Variants in SAMHD1 observed in about 807,000 individuals in gnomAD.
The protein encoded by SAMHD1 is SAM and HD domain containing deoxynucleoside triphosphate triphosphohydrolase 1, also known as deoxynucleoside triphosphate triphosphohydrolase SAMHD1.
SAMHD1 carries 54 observed loss-of-function variants against 79.6 expected under a neutral mutation model. That is an observed-to-expected ratio of 0.68 (90% confidence interval 0.55 to 0.85). The LOEUF is 0.85. Among genes scored for constraint, SAMHD1 ranks in the 40% least tolerant of loss-of-function variants. The pLI is 0.00. For synonymous variants in SAMHD1, 260 were observed against 264.1 expected, an observed-to-expected ratio of 0.98 and a Z score of 0.15; for missense variants, 663 against 782.7, an observed-to-expected ratio of 0.85 and a Z score of 1.82.
chr20:36,918,815 AAAAAAAAAAG>A (rs1259029632), intron 7 of SAMHD1, among the ~76,000 whole-genome samples: 18 of 150,028 alleles, frequency 1.2e-4, no homozygotes, highest in African/African-American at 4.4e-4. Flanking sequence ...AAAAAAAAAA[AAAAAAAAAAG>A]AAAGAAAGAA....
At position 36,919,778 on chromosome 20, in the gene SAMHD1, CTAAA is replaced by C. The variant is rs3840951; in HGVS notation, c.697-263_697-260del. On this transcript the variant is annotated intron_variant, in intron 6 of 15. Transcript: ENST00000646673. ...TTAATGATATAATCATTTACAGTTC[CTAAA>C]TGAATATTATAAGATCATGTAGACA... Among the ~76,000 whole-genome samples, 1,558 of 152,164 alleles carry C rather than the reference CTAAA, an allele frequency of 0.01. 65 individuals carry two copies. The East Asian group carries it at 0.15, about 15-fold the overall frequency.
At chr20:36,945,603 A>G (rs2063680560) in intron 2 of SAMHD1, among the ~76,000 whole-genome samples, 2 of 152,238 alleles carry the variant, frequency 1.3e-5, no homozygotes, top group Admixed American at 1.3e-4. Context: ...GAATAAGGCC[A>G]CACACGGTGG....
intron 6 of SAMHD1, among the ~76,000 whole-genome samples, chr20:36,923,834 C>G (rs2063520792): frequency 6.6e-6 from 1 of 152,076 alleles, no homozygotes; most frequent in African/African-American, 2.4e-5. Context: ...GTATGTCAAC[C>G]TAAAAGGAAG....
chr20:36,916,629 G>A (rs2063477435), intron 9 of SAMHD1, 93 bp downstream of exon 9: 3 of 895,780 alleles, frequency 3.3e-6, no homozygotes, highest in East Asian at 4.8e-5. Flanking sequence ...AGAGACTGAC[G>A]ATTTACCAAT....
In SAMHD1 at chr20:36,920,990, G is replaced by A. The variant is rs540221587; in HGVS notation, c.697-1471C>T. ...GGTCCCAGCTACTTGGGAGACCAAG[G>A]TGGGAGGATTGCTTGAGCCCAGGTG... On this transcript the variant is annotated intron_variant, in intron 6 of 15. Transcript: ENST00000646673. Among the ~76,000 whole-genome samples, 7 of 151,624 alleles carry A rather than the reference G, an allele frequency of 4.6e-5. No individual in the cohort carries two copies. In the South Asian group the frequency reaches 1.2e-3, roughly 27 times the overall value.
rs1482302600 is a variant in SAMHD1 at position 36,893,198 on chromosome 20, G to T, written c.1747-132C>A. The T allele has an allele frequency of 4.4e-6, 5 of 1,125,918 alleles. No individual in the cohort carries two copies. The Admixed American group carries it at 9.7e-5, about 22-fold the overall frequency. 69.7% of individuals were successfully genotyped at this position (1,125,918 alleles called of 1,614,324 possible). Reference sequence around the variant, plus strand: ...TGCTTCTAGCTGTCCTCAATCCAGGGAAACTCCAAATTACATATGCCCTGT... The same window carrying T: ...TGCTTCTAGCTGTCCTCAATCCAGGTAAACTCCAAATTACATATGCCCTGT... On this transcript the variant is annotated intron_variant, in intron 15 of 15. Coordinates refer to ENST00000646673, the MANE Select transcript of SAMHD1 (RefSeq NM_015474.4).
rs2146119374 is a variant in SAMHD1 at position 36,919,359 on chromosome 20, C to T, written c.852+5G>A. On this transcript the variant is annotated splice_donor_5th_base_variant and intron_variant, in intron 7 of 15. Coordinates refer to ENST00000646673, the MANE Select transcript of SAMHD1 (RefSeq NM_015474.4). ...CAGTTAAAATTAAGCTGTACATAAACTTACCAATGAATCTTCGACAGGTGA... is the reference window on the plus strand; with the variant it reads ...CAGTTAAAATTAAGCTGTACATAAATTTACCAATGAATCTTCGACAGGTGA... The T allele has an allele frequency of 1.9e-6, 3 of 1,613,188 alleles. No homozygotes were observed. The highest frequency in any genetic ancestry group is 2.5e-6 in the Non-Finnish European group (3 of 1,179,426).
At chr20:36,898,798 G>A (rs1277198440) in intron 13 of SAMHD1, among the ~76,000 whole-genome samples, 1 of 151,208 alleles carries the variant, frequency 6.6e-6, no homozygotes, top group Non-Finnish European at 1.5e-5. Context: ...TGTAACCCCA[G>A]TTACTCGGGA....
intron 9 of SAMHD1, among the ~76,000 whole-genome samples, 197 bp from the exon 10 acceptor site, chr20:36,912,749 T>A (rs991973674): frequency 9.5e-5 from 10 of 105,590 alleles, no homozygotes; most frequent in African/African-American, 3.5e-4. Flanking sequence ...CTTGCAACTT[T>A]CATTTTTTTT....
intron 10 of SAMHD1, 64 bp from the exon 11 acceptor site, chr20:36,911,397 C>T: frequency 3.0e-6 from 3 of 995,624 alleles, no homozygotes; most frequent in Non-Finnish European, 4.8e-6. Context: ...TTATGTCTTA[C>T]TTAAGGAAAT....
chr20:36,916,815 A>G lies in SAMHD1; in HGVS notation c.969T>C (p.Leu323=), dbSNP rs1371859365. ...TGTAATCAAAATTATTTTGGATTCC[A>G]AGATGATGGCAGTCCCTAGAAGGAT... ...WDYFARDCHH[L]GIQNNFDYKR... The change falls in exon 9 of 16, where the codon CTT becomes CTC. Residue 323 remains leucine (L), a synonymous_variant. Coordinates refer to ENST00000646673, the MANE Select transcript of SAMHD1 (RefSeq NM_015474.4). 1 of 1,614,072 alleles carries G rather than the reference A, an allele frequency of 6.2e-7. No homozygotes were observed. Among genetic ancestry groups the G allele is most frequent in the Admixed American group, 1.7e-5 (1 of 60,014 alleles).
intron 13 of SAMHD1, among the ~76,000 whole-genome samples, chr20:36,903,556 CTT>C (rs56285893): frequency 4.7e-4 from 56 of 119,418 alleles, no homozygotes; most frequent in Non-Finnish European, 4.0e-4. Context: ...TTTTCTTTTT[CTT>C]TTTTTTTTTT....
chr20:36,925,290 A>G (rs1057246711), intron 6 of SAMHD1, among the ~76,000 whole-genome samples: 3 of 152,216 alleles, frequency 2.0e-5, no homozygotes, highest in African/African-American at 7.2e-5. Flanking sequence ...AGAAGATCCT[A>G]TTAGATCAAC....
intron 6 of SAMHD1, among the ~76,000 whole-genome samples, chr20:36,923,221 A>G (rs910223702): frequency 9.2e-5 from 14 of 151,908 alleles, no homozygotes; most frequent in Admixed American, 4.6e-4. Flanking sequence ...GGATGGTCTC[A>G]ATCTTCTGAC....
chr20:36,948,402 A>T (rs1313299815), intron 1 of SAMHD1, among the ~76,000 whole-genome samples: 1 of 151,932 alleles, frequency 6.6e-6, no homozygotes, highest in East Asian at 2.0e-4. Context: ...ACAGGCACAT[A>T]CCACCATGCC....
intron 14 of SAMHD1, 71 bp from the exon 15 acceptor site, chr20:36,898,030 T>C: frequency 6.4e-7 from 1 of 1,567,850 alleles, no homozygotes; most frequent in South Asian, 1.1e-5. Context: ...GTCCCTAGGC[T>C]CCTAACTATT....
chr20:36,940,906 T>A (rs2063639166), intron 3 of SAMHD1, 133 bp downstream of exon 3: 1 of 706,670 alleles, frequency 1.4e-6, no homozygotes, highest in Non-Finnish European at 2.5e-6. Flanking sequence ...TGCAGAAAGT[T>A]TAGAAAAGAT....
At chr20:36,897,683 G>C (rs1485571771) in intron 15 of SAMHD1, 139 bp downstream of exon 15, 1 of 940,120 alleles carries the variant, frequency 1.1e-6, no homozygotes, top group Middle Eastern at 2.1e-4. Flanking sequence ...TAAAAGGAAA[G>C]AAAGTGAAAG....
At chr20:36,937,140 CA>C (rs11286688) in intron 3 of SAMHD1, among the ~76,000 whole-genome samples, 55,156 of 117,490 alleles carry the variant, frequency 0.47, 12,673 homozygotes, top group African/African-American at 0.67. Flanking sequence ...GACTCTATCT[CA>C]AAAAAAAAAA....
Sources: allele counts gnomAD v4.1 joint callset (sites outside exome capture counted in the v4.1 genomes callset), GRCh38; gene constraint gnomAD v4.1.1; transcripts MANE v1.5; gene names NCBI Gene and HGNC (gene_info 2026-07-23, HGNC 2026-07-21).